IL1RAPL1: variants seen among roughly 807,000 people sequenced by gnomAD.
IL1RAPL1 encodes interleukin-1 receptor accessory protein-like 1.
A neutral mutation model predicts 48.4 loss-of-function variants in IL1RAPL1; 3 were observed. The ratio of observed to expected loss-of-function variants is 0.06; its 90% confidence interval spans 0.03 to 0.16. The LOEUF (loss-of-function observed/expected upper bound fraction) is 0.16, where lower values mean the gene tolerates loss of function less well. IL1RAPL1 is among the 10% of genes least tolerant of loss of function. The pLI, the probability that IL1RAPL1 is intolerant of heterozygous loss-of-function variation, is 1.00. For missense variants in IL1RAPL1, 349 were observed against 530.6 expected (o/e 0.66, Z 3.36); for synonymous variants, 185 against 187.7 (o/e 0.99, Z 0.12).
intron 5 of IL1RAPL1, among the ~76,000 whole-genome samples, chrX:29,647,201 G>C (rs1925359425): frequency 9.0e-6 from 1 of 110,565 alleles, no homozygotes; most frequent in South Asian, 3.8e-4. Context: ...AATACAAAAA[G>C]TAGCTGGGCG....
chrX:28,942,945 A>G (rs1924201797), intron 2 of IL1RAPL1, among the ~76,000 whole-genome samples: 1 of 110,898 alleles, frequency 9.0e-6, no homozygotes, highest in South Asian at 3.6e-4. Context: ...ACATCCAAGA[A>G]TCCGATGAGA....
intron 1 of IL1RAPL1, among the ~76,000 whole-genome samples, chrX:28,703,010 T>C (rs1022636728): frequency 8.9e-6 from 1 of 111,763 alleles, no homozygotes; most frequent in African/African-American, 3.2e-5. Context: ...AGATTGACAT[T>C]GATCAGTTGT....
At chrX:29,281,589 C>T (rs1932202814) in intron 2 of IL1RAPL1, among the ~76,000 whole-genome samples, 2 of 111,468 alleles carry the variant, frequency 1.8e-5, no homozygotes, top group Admixed American at 9.6e-5. Flanking sequence ...TTACCTCTGT[C>T]TCTGGCTGGG....
At chrX:28,741,213 A>G (rs1163991820) in intron 1 of IL1RAPL1, among the ~76,000 whole-genome samples, 1 of 110,892 alleles carries the variant, frequency 9.0e-6, no homozygotes, top group Non-Finnish European at 1.9e-5. Flanking sequence ...TTATTTTTTT[A>G]CTTTTTGGTA....
intron 2 of IL1RAPL1, among the ~76,000 whole-genome samples, chrX:28,850,929 C>G (rs1236195166): frequency 9.5e-6 from 1 of 104,961 alleles, no homozygotes; most frequent in East Asian, 3.0e-4. Context: ...ATTTGAACTC[C>G]GCCAACCAGT....
intron 2 of IL1RAPL1, among the ~76,000 whole-genome samples, chrX:28,950,689 T>G (rs1356345483): frequency 1.8e-5 from 2 of 108,738 alleles, no homozygotes; most frequent in East Asian, 5.9e-4. Context: ...GTAAACTAGT[T>G]CAACCATTGT....
intron 2 of IL1RAPL1, among the ~76,000 whole-genome samples, chrX:29,083,390 G>A (rs966630924): frequency 3.6e-5 from 4 of 111,613 alleles, no homozygotes; most frequent in African/African-American, 1.3e-4. Context: ...AACCTATTTA[G>A]GATGCAATTA....
intron 1 of IL1RAPL1, among the ~76,000 whole-genome samples, chrX:28,754,065 A>T (rs1229522323): frequency 9.0e-6 from 1 of 110,508 alleles, no homozygotes; most frequent in South Asian, 3.8e-4. Context: ...ATTTTTTTTT[A>T]ATCTTGTAAA....
intron 6 of IL1RAPL1, among the ~76,000 whole-genome samples, chrX:29,718,456 G>C (rs1056985786): frequency 1.9e-5 from 2 of 107,590 alleles, no homozygotes; most frequent in Non-Finnish European, 3.8e-5. Flanking sequence ...GGCCTGTTTG[G>C]GGGGTGGGGG....
chrX:29,377,801 G>T (rs975166191), intron 3 of IL1RAPL1, among the ~76,000 whole-genome samples: 2 of 110,941 alleles, frequency 1.8e-5, no homozygotes, highest in Non-Finnish European at 3.8e-5. Context: ...TTTTTCTTTT[G>T]GATTGACCTT....
chrX:29,414,988 A>T (rs904792089), intron 5 of IL1RAPL1, among the ~76,000 whole-genome samples: 2 of 111,842 alleles, frequency 1.8e-5, no homozygotes, highest in African/African-American at 6.5e-5. Context: ...AATGTACTCT[A>T]GGAGGATGTA....
At chrX:28,666,410 G>C (rs368357) in intron 1 of IL1RAPL1, among the ~76,000 whole-genome samples, 42,857 of 110,246 alleles carry the variant, frequency 0.39, 6,322 homozygotes, top group South Asian at 0.55. Context: ...TGTCAAAGAG[G>C]ATATCCAAGA....
At chrX:28,836,148 T>TA (rs1921200972) in intron 2 of IL1RAPL1, among the ~76,000 whole-genome samples, 1 of 109,865 alleles carries the variant, frequency 9.1e-6, no homozygotes. Context: ...TTGCAACTGT[T>TA]AATCAGCACA....
chrX:28,904,386 T>A (rs1304729420), intron 2 of IL1RAPL1, among the ~76,000 whole-genome samples: 4 of 111,791 alleles, frequency 3.6e-5, no homozygotes, highest in African/African-American at 1.3e-4. Context: ...CTACTATTCA[T>A]CGTAAGCATA....
At chrX:29,954,384 C>T in intron 9 of IL1RAPL1, 138 bp from the exon 10 acceptor site, 2 of 502,729 alleles carry the variant, frequency 4.0e-6, no homozygotes, top group South Asian at 5.8e-5. Context: ...CTCAATGAAA[C>T]TTAATGAAGG....
intron 2 of IL1RAPL1, among the ~76,000 whole-genome samples, chrX:28,915,584 A>G (rs542996008): frequency 3.6e-4 from 40 of 111,755 alleles, no homozygotes; most frequent in African/African-American, 1.1e-3. Context: ...CATTATTATT[A>G]TTGTTTCTAT....
At chrX:29,289,834 C>A (rs2147604172) in intron 3 of IL1RAPL1, among the ~76,000 whole-genome samples, 1 of 112,007 alleles carries the variant, frequency 8.9e-6, no homozygotes, top group East Asian at 2.8e-4. Context: ...TAAATGATAT[C>A]TTCTGTTTAA....
chrX:28,632,172 A>G (rs904810239), intron 1 of IL1RAPL1, among the ~76,000 whole-genome samples: 1 of 111,590 alleles, frequency 9.0e-6, no homozygotes, highest in Admixed American at 9.5e-5. Context: ...AGAAACCCAC[A>G]ATCAAGGTGT....
chrX:29,325,027 C>T (rs181034054), intron 3 of IL1RAPL1, among the ~76,000 whole-genome samples: 1 of 111,746 alleles, frequency 8.9e-6, no homozygotes, highest in Non-Finnish European at 1.9e-5. Flanking sequence ...TGTGGAATAT[C>T]TTAATTATTT....
Sources: allele counts gnomAD v4.1 joint callset (sites outside exome capture counted in the v4.1 genomes callset), GRCh38; gene constraint gnomAD v4.1.1; transcripts MANE v1.5; gene names NCBI Gene and HGNC (gene_info 2026-07-23, HGNC 2026-07-21).